Variants in NELL2 observed in about 807,000 individuals in gnomAD.
The protein encoded by NELL2 is neural EGFL like 2.
In NELL2, 41 loss-of-function variants were observed where a neutral mutation model predicts 109.6. That is an observed-to-expected ratio of 0.37 (90% CI 0.29 to 0.49). The LOEUF is 0.49. NELL2 is among the 20% of genes least tolerant of loss of function. NELL2 has a pLI of 0.98. For synonymous variants in NELL2, 355 were observed against 344.7 expected, an observed-to-expected ratio of 1.03 and a Z score of -0.33; for missense variants, 900 against 1,008.3, an observed-to-expected ratio of 0.89 and a Z score of 1.45.
At chr12:44,853,450 C>T (rs1441839272) in intron 2 of NELL2, among the ~76,000 whole-genome samples, 1 of 152,108 alleles carries the variant, frequency 6.6e-6, no homozygotes, top group African/African-American at 2.4e-5. Flanking sequence ...AACAATTCCT[C>T]CTTTGAGACA....
chr12:44,658,876 C>CAAAAAAAAAAAAAAAAAAAA (rs758903947), intron 13 of NELL2, among the ~76,000 whole-genome samples: 3 of 97,582 alleles, frequency 3.1e-5, no homozygotes, highest in Non-Finnish European at 3.9e-5. Context: ...GACTCTGTCT[C>CAAAAAAAAAAAAAAAAAAAA]CAAAAAAAAA....
At chr12:44,775,430 G>A (rs2136586800) in intron 8 of NELL2, among the ~76,000 whole-genome samples, 1 of 152,252 alleles carries the variant, frequency 6.6e-6, no homozygotes, top group Middle Eastern at 3.4e-3. Flanking sequence ...TAATTTAAAA[G>A]TTTAAAACCA....
At chr12:44,572,310 TA>T (rs869183465) in intron 15 of NELL2, among the ~76,000 whole-genome samples, 8 of 151,806 alleles carry the variant, frequency 5.3e-5, no homozygotes, top group Middle Eastern at 3.4e-3. Flanking sequence ...CCCAGTTAAT[TA>T]AAAAAAAATT....
intron 1 of NELL2, among the ~76,000 whole-genome samples, chr12:44,920,684 T>C (rs1945862267): frequency 6.6e-6 from 1 of 152,214 alleles, no homozygotes. Context: ...AGTGGCAGAA[T>C]TTCCTACAAG....
At chr12:44,520,351 T>C (rs1326363288) in intron 18 of NELL2, 122 bp from the exon 19 acceptor site, 2 of 732,710 alleles carry the variant, frequency 2.7e-6, no homozygotes, top group African/African-American at 1.8e-5. Flanking sequence ...ATATTTAAAC[T>C]TAGATCTACA....
intron 12 of NELL2, among the ~76,000 whole-genome samples, chr12:44,690,575 A>G (rs1235718276): frequency 6.6e-6 from 1 of 152,022 alleles, no homozygotes; most frequent in East Asian, 1.9e-4. Context: ...GTATAAAAAC[A>G]GGATTACTTA....
At chr12:44,570,535 T>TA (rs1217768777) in intron 15 of NELL2, among the ~76,000 whole-genome samples, 2 of 152,126 alleles carry the variant, frequency 1.3e-5, no homozygotes, top group African/African-American at 4.8e-5. Context: ...AATCCTTTTT[T>TA]AAAAAAACTT....
At chr12:44,663,414 A>C (rs1381149502) in intron 13 of NELL2, among the ~76,000 whole-genome samples, 1 of 152,204 alleles carries the variant, frequency 6.6e-6, no homozygotes, top group African/African-American at 2.4e-5. Flanking sequence ...TAGCATAGAA[A>C]TAGTGGTGTT....
rs114564309 is a variant in NELL2 at position 44,632,231 on chromosome 12, G to C, written c.1445-21261C>G. Among the ~76,000 whole-genome samples, 686 of 152,172 alleles carry C rather than the reference G, an allele frequency of 4.5e-3. 6 individuals carry two copies. Among genetic ancestry groups the C allele is most frequent in the African/African-American group, 0.016 (647 of 41,520 alleles). On this transcript the variant is annotated intron_variant, in intron 13 of 19. Coordinates refer to ENST00000429094, the MANE Select transcript of NELL2 (RefSeq NM_001145108.2). ...GTTAACATGATACTTAATAGTGAAAGGCTTGTTGTTTTCCGTTGACATCAG... is the reference window on the plus strand; with the variant it reads ...GTTAACATGATACTTAATAGTGAAACGCTTGTTGTTTTCCGTTGACATCAG...
intron 13 of NELL2, among the ~76,000 whole-genome samples, chr12:44,635,242 C>A (rs1484993530): frequency 6.6e-6 from 1 of 152,116 alleles, no homozygotes; most frequent in Non-Finnish European, 1.5e-5. Context: ...TGCCTGTTCA[C>A]TCTGATGATA....
chr12:44,695,960 G>C (rs2136405221), intron 12 of NELL2, among the ~76,000 whole-genome samples: 1 of 152,284 alleles, frequency 6.6e-6, no homozygotes, highest in East Asian at 1.9e-4. Context: ...CTCCAGCCTA[G>C]GCAACAGAGT....
chr12:44,755,385 C>T (rs1940842522), intron 9 of NELL2, among the ~76,000 whole-genome samples: 1 of 152,150 alleles, frequency 6.6e-6, no homozygotes, highest in Non-Finnish European at 1.5e-5. Context: ...CATGCACATA[C>T]ACACATTCAT....
chr12:44,793,068 G>A (rs1942491287), intron 3 of NELL2, among the ~76,000 whole-genome samples: 2 of 152,002 alleles, frequency 1.3e-5, no homozygotes, highest in African/African-American at 2.4e-5. Flanking sequence ...CAATACCATA[G>A]TGTACTATTA....
At chr12:44,684,629 G>A (rs1299224332) in intron 12 of NELL2, among the ~76,000 whole-genome samples, 16 of 152,084 alleles carry the variant, frequency 1.1e-4, no homozygotes, top group African/African-American at 2.7e-4. Flanking sequence ...CTTTGTTCTC[G>A]TTGGTTTCAA....
At chr12:44,685,990 G>T (rs1200437248) in intron 12 of NELL2, among the ~76,000 whole-genome samples, 1 of 152,036 alleles carries the variant, frequency 6.6e-6, no homozygotes, top group Non-Finnish European at 1.5e-5. Context: ...AAGTTCTCCT[G>T]GATAATATCC....
chr12:44,889,510 C>T (rs1945509837), intron 1 of NELL2, among the ~76,000 whole-genome samples: 1 of 151,990 alleles, frequency 6.6e-6, no homozygotes, highest in Non-Finnish European at 1.5e-5. Context: ...ATGAAGCATC[C>T]ACATGGACCC....
At chr12:44,573,345 G>A (rs1359309483) in intron 15 of NELL2, among the ~76,000 whole-genome samples, 1 of 152,160 alleles carries the variant, frequency 6.6e-6, no homozygotes, top group Non-Finnish European at 1.5e-5. Context: ...GAATGGAATT[G>A]ATGACTGAAA....
chr12:44,689,646 C>T (rs1019621552), intron 12 of NELL2, among the ~76,000 whole-genome samples: 1 of 152,226 alleles, frequency 6.6e-6, no homozygotes, highest in Non-Finnish European at 1.5e-5. Context: ...CAACCATGCT[C>T]CTTTTCTTTA....
intron 3 of NELL2, among the ~76,000 whole-genome samples, chr12:44,788,584 T>C (rs1942266683): frequency 4.6e-5 from 7 of 152,020 alleles, no homozygotes; most frequent in Admixed American, 4.6e-4. Flanking sequence ...CCCAGAGGCA[T>C]GGGGGAAGAT....
Sources: allele counts gnomAD v4.1 joint callset (sites outside exome capture counted in the v4.1 genomes callset), GRCh38; gene constraint gnomAD v4.1.1; transcripts MANE v1.5; gene names NCBI Gene and HGNC (gene_info 2026-07-23, HGNC 2026-07-21).